The following TSPAN18 variants were observed in gnomAD, a reference collection of about 807,000 sequenced individuals.
TSPAN18 encodes tetraspanin-18.
TSPAN18 carries 14 observed loss-of-function variants against 27.3 expected under a neutral mutation model. That is an observed-to-expected ratio of 0.51 (90% CI 0.34 to 0.80). TSPAN18 has a LOEUF of 0.80. TSPAN18 is among the 30% of genes least tolerant of loss of function. TSPAN18 has a pLI of 0.01. For missense variants in TSPAN18, 268 were observed against 323.9 expected, an observed-to-expected ratio of 0.83 and a Z score of 1.32; for synonymous variants, 143 against 136.5, an observed-to-expected ratio of 1.05 and a Z score of -0.33.
At chr11:44,849,667 G>C (rs865809772) in intron 2 of TSPAN18, among the ~76,000 whole-genome samples, 2 of 147,444 alleles carry the variant, frequency 1.4e-5, no homozygotes, top group East Asian at 3.9e-4. Flanking sequence ...TCCCGTCCAG[G>C]AAAGGGGACC....
chr11:44,777,458 C>T (rs1456417701), intron 2 of TSPAN18, among the ~76,000 whole-genome samples: 1 of 152,198 alleles, frequency 6.6e-6, no homozygotes. Flanking sequence ...CCTTGTTCTC[C>T]AGCTCACCCA....
At chr11:44,896,888 G>A (rs537217091) in intron 3 of TSPAN18, among the ~76,000 whole-genome samples, 11 of 152,212 alleles carry the variant, frequency 7.2e-5, no homozygotes, top group East Asian at 1.9e-4. Flanking sequence ...CTCAGTGTAC[G>A]TCTACTGAGT....
intron 2 of TSPAN18, among the ~76,000 whole-genome samples, chr11:44,845,159 CA>C (rs1857454547): frequency 6.6e-6 from 1 of 152,186 alleles, no homozygotes; most frequent in Admixed American, 6.5e-5. Context: ...TCACCCAGAG[CA>C]GGGGGACACA....
chr11:44,929,020 G>T, intron 9 of TSPAN18, 111 bp from the exon 10 acceptor site: 1 of 1,342,482 alleles, frequency 7.4e-7, no homozygotes, highest in Non-Finnish European at 1.1e-6. Context: ...CTTAGGGGAG[G>T]AGTGTGCTAA....
Position 44,782,821 on chromosome 11 carries a change from A to C in TSPAN18, c.-153+18309A>C, listed in dbSNP as rs543696517. Among the ~76,000 whole-genome samples, 8 of 152,290 alleles carry C rather than the reference A, an allele frequency of 5.3e-5. No homozygotes were observed. The South Asian group carries it at 1.7e-3, about 32-fold the overall frequency. On this transcript the variant is annotated intron_variant, in intron 2 of 9. Coordinates refer to ENST00000520358, the MANE Select transcript of TSPAN18 (RefSeq NM_130783.5). ...ATTTGAACACTTTCTTTTGTAAAAT[A>C]TCTGTTCAAGTCATTTGCTCTTTTT...
At chr11:44,814,673 TCCATCCATCCATCCAC>T (rs1856784947) in intron 2 of TSPAN18, among the ~76,000 whole-genome samples, 2 of 151,366 alleles carry the variant, frequency 1.3e-5, no homozygotes, top group South Asian at 2.1e-4. Flanking sequence ...CATCCATCCA[TCCATCCATCCATCCAC>T]CCACCCACCC....
At chr11:44,873,495 TA>T (rs1375729580) in intron 3 of TSPAN18, among the ~76,000 whole-genome samples, 1 of 152,182 alleles carries the variant, frequency 6.6e-6, no homozygotes, top group African/African-American at 2.4e-5. Context: ...TGCAAACTCA[TA>T]GCAGACAAAC....
chr11:44,747,739 TCTC>T, intron 1 of TSPAN18, among the ~76,000 whole-genome samples: 1 of 152,160 alleles, frequency 6.6e-6, no homozygotes, highest in African/African-American at 2.4e-5. Context: ...CCTGCACTCA[TCTC>T]CTCATGCACA....
chr11:44,810,685 T>C (rs1270404447), intron 2 of TSPAN18, among the ~76,000 whole-genome samples: 2 of 151,410 alleles, frequency 1.3e-5, no homozygotes, highest in Non-Finnish European at 2.9e-5. Flanking sequence ...TATGGCTCAC[T>C]GTAACCTCCT....
intron 2 of TSPAN18, among the ~76,000 whole-genome samples, chr11:44,820,038 G>A (rs1315029577): frequency 6.6e-6 from 1 of 152,156 alleles, no homozygotes; most frequent in Non-Finnish European, 1.5e-5. Context: ...GGTCTAGTCA[G>A]GGCTTAAGGA....
intron 2 of TSPAN18, among the ~76,000 whole-genome samples, chr11:44,819,282 A>G (rs1856877775): frequency 1.3e-5 from 2 of 152,158 alleles, no homozygotes; most frequent in African/African-American, 4.8e-5. Context: ...CTGAGTGCTA[A>G]TGAGAGGAGC....
chr11:44,908,775 G>GA lies in TSPAN18; in HGVS notation c.64-927dup, dbSNP rs1347026262. On this transcript the variant is annotated intron_variant, in intron 4 of 9. Coordinates refer to ENST00000520358, the MANE Select transcript of TSPAN18 (RefSeq NM_130783.5). The stretch of plus-strand genomic sequence containing the variant: ...GAGAGAGAGAGAGAGAAAGGAGAAA[G>GA]AAAGAAAGAAAGAAAGAAAGAAAGA... 2.7e-4 allele frequency among the ~76,000 whole-genome samples: 26 copies of GA among 94,684 alleles called. 1 individual carries two copies. Among genetic ancestry groups the GA allele is most frequent in the African/African-American group, 7.5e-4 (15 of 19,998 alleles). The allele number at this position is 94,684 out of a possible 152,430, so 62.1% of individuals were successfully genotyped here.
At chr11:44,824,799 G>A (rs975425985) in intron 2 of TSPAN18, among the ~76,000 whole-genome samples, 5 of 152,192 alleles carry the variant, frequency 3.3e-5, no homozygotes, top group Admixed American at 3.3e-4. Context: ...GGAGAAGCCG[G>A]AGAAAGGAGA....
At chr11:44,792,284 G>A (rs1035681883) in intron 2 of TSPAN18, among the ~76,000 whole-genome samples, 13 of 152,214 alleles carry the variant, frequency 8.5e-5, no homozygotes, top group African/African-American at 3.1e-4. Flanking sequence ...CAGTGTTGAG[G>A]AAGTGAGGGA....
chr11:44,798,077 T>C (rs973304445), intron 2 of TSPAN18, among the ~76,000 whole-genome samples: 15 of 152,178 alleles, frequency 9.9e-5, no homozygotes, highest in Non-Finnish European at 2.1e-4. Context: ...AACACACTTC[T>C]AGAAAGGCTC....
At chr11:44,818,382 C>G (rs1856856121) in intron 2 of TSPAN18, among the ~76,000 whole-genome samples, 1 of 152,246 alleles carries the variant, frequency 6.6e-6, no homozygotes, top group African/African-American at 2.4e-5. Flanking sequence ...AATGGAGAGC[C>G]TGGGGCCAGA....
rs1311329962 is a variant in TSPAN18 at position 44,932,022 on chromosome 11, T to TG, written c.*2849dup. ...AGAAAGGGAATAGCTCTTTATGGGC[T>TG]GGGGGTGAGGGCCCCTCCCCAGGGT... On this transcript the variant is annotated 3_prime_UTR_variant, in exon 10 of 10. Coordinates refer to ENST00000520358, the MANE Select transcript of TSPAN18 (RefSeq NM_130783.5). 1 of 152,236 alleles carries TG rather than the reference T, an allele frequency of 6.6e-6. No individual in the cohort carries two copies. The highest frequency in any genetic ancestry group is 1.5e-5 in the Non-Finnish European group (1 of 68,074). The allele number at this position is 152,236 out of a possible 1,614,324, so 9.4% of individuals were successfully genotyped here. A position where few individuals can be genotyped will look rare whatever the true frequency, so the allele number is the denominator to read the frequency against.
intron 3 of TSPAN18, among the ~76,000 whole-genome samples, chr11:44,891,163 C>T (rs1858838195): frequency 1.3e-5 from 2 of 152,176 alleles, no homozygotes; most frequent in Non-Finnish European, 2.9e-5. Context: ...AGGGCGAGAC[C>T]CTGTCCCCCA....
chr11:44,735,621 CT>C (rs797010014), intron 1 of TSPAN18, among the ~76,000 whole-genome samples: 3,587 of 140,494 alleles, frequency 0.026, 92 homozygotes, highest in East Asian at 0.075. Flanking sequence ...ATGACCTCCT[CT>C]TTTTTTTTTT....
Sources: gnomAD v4.1 joint callset for allele counts (sites outside exome capture counted in the v4.1 genomes callset) on GRCh38, gnomAD v4.1.1 for gene constraint, MANE v1.5 for transcripts, NCBI Gene and HGNC (gene_info 2026-07-23, HGNC 2026-07-21) for gene names.